Variants in DCC observed in about 807,000 individuals in gnomAD.
DCC encodes DCC netrin 1 receptor.
DCC carries 58 observed loss-of-function variants against 172.5 expected under a neutral mutation model. That is an observed-to-expected ratio of 0.34 (90% CI 0.27 to 0.42). DCC has a LOEUF of 0.42. Ranked by LOEUF, DCC falls within the 10% of genes least tolerant of loss-of-function variation. DCC has a pLI of 1.00. For missense variants in DCC, 1,740 were observed against 1,791.0 expected (o/e 0.97, Z 0.51); for synonymous variants, 709 against 644.5 (o/e 1.10, Z -1.52).
chr18:53,181,690 G>T (rs9948554), intron 9 of DCC, among the ~76,000 whole-genome samples: 8,094 of 152,130 alleles, frequency 0.053, 301 homozygotes, highest in East Asian at 0.11. Flanking sequence ...CACTGTTCCA[G>T]GCTGCATGAG....
intron 9 of DCC, among the ~76,000 whole-genome samples, chr18:53,193,962 A>G (rs1376083831): frequency 6.6e-6 from 1 of 152,204 alleles, no homozygotes; most frequent in Non-Finnish European, 1.5e-5. Context: ...TATAAAAGCA[A>G]TCTATACCTG....
At chr18:53,370,146 C>T (rs1481265363) in intron 15 of DCC, among the ~76,000 whole-genome samples, 2 of 151,628 alleles carry the variant, frequency 1.3e-5, no homozygotes, top group Non-Finnish European at 1.5e-5. Flanking sequence ...AGTTGCAGTT[C>T]TATTCAGATT....
intron 7 of DCC, among the ~76,000 whole-genome samples, chr18:53,077,842 A>G (rs1283035410): frequency 2.6e-5 from 4 of 152,156 alleles, no homozygotes; most frequent in Non-Finnish European, 5.9e-5. Flanking sequence ...CTAGTTTTAG[A>G]ATTACTAATA....
intron 1 of DCC, among the ~76,000 whole-genome samples, chr18:52,713,373 T>C (rs1568058266): frequency 6.6e-6 from 1 of 152,142 alleles, no homozygotes; most frequent in Non-Finnish European, 1.5e-5. Context: ...TGTTCAAAAC[T>C]GAACTTTAAT....
intron 5 of DCC, among the ~76,000 whole-genome samples, chr18:52,999,798 A>G (rs1172430293): frequency 1.3e-5 from 2 of 152,104 alleles, no homozygotes; most frequent in Non-Finnish European, 2.9e-5. Flanking sequence ...GTGTTATCTG[A>G]AAAGATATGT....
chr18:53,530,936 T>G lies in DCC; in HGVS notation c.*283T>G. 1.9e-6 allele frequency: 1 copy of G among 516,028 alleles called. No homozygotes were observed. The highest frequency in any genetic ancestry group is 2.0e-5 in the South Asian group (1 of 49,340). The allele number at this position is 516,028 out of a possible 1,614,324, so 32.0% of individuals were successfully genotyped here. A position where few individuals can be genotyped will look rare whatever the true frequency, so the allele number is the denominator to read the frequency against. ...AAGCTGCTAGAATAGTCATGGGCCTTTGTCACTGCAGTGACCACACTGTCA... is the reference window on the plus strand; with the variant it reads ...AAGCTGCTAGAATAGTCATGGGCCTGTGTCACTGCAGTGACCACACTGTCA... On this transcript the variant is annotated 3_prime_UTR_variant, in exon 29 of 29. Transcript: ENST00000442544.
intron 21 of DCC, among the ~76,000 whole-genome samples, chr18:53,431,645 C>T (rs1416627625): frequency 1.3e-5 from 2 of 151,946 alleles, no homozygotes; most frequent in Non-Finnish European, 2.9e-5. Flanking sequence ...CCACCGTGCT[C>T]TGCTAATTTT....
At position 53,120,566 on chromosome 18, in the gene DCC, C is replaced by CA. The variant is rs61179250; in HGVS notation, c.1262-36783dup. Among the ~76,000 whole-genome samples the CA allele has an allele frequency of 8.4e-3, 1,270 of 151,432 alleles. 20 individuals are homozygous for CA. The highest frequency in any genetic ancestry group is 0.029 in the African/African-American group (1,214 of 41,374). On this transcript the variant is annotated intron_variant, in intron 7 of 28. Transcript: ENST00000442544. ...TGCTGAACAAAACTGTTTGAATTTA[C>CA]AAAAAAATCAGAGGAAAAATTGCTC...
intron 1 of DCC, among the ~76,000 whole-genome samples, chr18:52,510,147 A>G: frequency 6.6e-6 from 1 of 150,786 alleles, no homozygotes; most frequent in East Asian, 1.9e-4. Flanking sequence ...TCTAGTTAGC[A>G]TGACTGGGCT....
intron 27 of DCC, among the ~76,000 whole-genome samples, chr18:53,513,238 A>ATACTT (rs1477626502): frequency 2.0e-5 from 3 of 152,336 alleles, no homozygotes; most frequent in Non-Finnish European, 4.4e-5. Context: ...GAGAAATAAA[A>ATACTT]TACTTTACAG....
At chr18:52,629,055 A>T (rs1156976878) in intron 1 of DCC, among the ~76,000 whole-genome samples, 3 of 152,190 alleles carry the variant, frequency 2.0e-5, no homozygotes, top group East Asian at 3.9e-4. Context: ...TTACTATGAG[A>T]CAGAGGAGAT....
intron 1 of DCC, among the ~76,000 whole-genome samples, chr18:52,484,605 T>A (rs1016024059): frequency 1.3e-5 from 2 of 152,040 alleles, no homozygotes; most frequent in Admixed American, 6.6e-5. Context: ...GTTTTCCTCA[T>A]CTGTAAGATA....
chr18:53,226,932 G>GTATA (rs1452126370), intron 12 of DCC, among the ~76,000 whole-genome samples: 83 of 59,168 alleles, frequency 1.4e-3, no homozygotes, highest in African/African-American at 4.1e-3. Flanking sequence ...GTGTGTGTGT[G>GTATA]TGTATATATA....
At chr18:53,365,645 C>T (rs1405510361) in intron 15 of DCC, among the ~76,000 whole-genome samples, 1 of 152,104 alleles carries the variant, frequency 6.6e-6, no homozygotes, top group East Asian at 1.9e-4. Flanking sequence ...ACTGTTAAAA[C>T]ATCCATTAAT....
chr18:53,332,781 C>T (rs973304023), intron 14 of DCC, among the ~76,000 whole-genome samples: 81 of 123,852 alleles, frequency 6.5e-4, no homozygotes, highest in Middle Eastern at 4.0e-3. Context: ...CAAAATTTTA[C>T]CCATTTATCA....
chr18:52,935,378 T>C (rs1355448404), intron 5 of DCC, among the ~76,000 whole-genome samples: 1 of 151,682 alleles, frequency 6.6e-6, no homozygotes, highest in Non-Finnish European at 1.5e-5. Flanking sequence ...ATCAATTTAA[T>C]AGTAAATATA....
intron 12 of DCC, among the ~76,000 whole-genome samples, chr18:53,279,754 A>T (rs1489574472): frequency 6.6e-6 from 1 of 152,144 alleles, no homozygotes; most frequent in Non-Finnish European, 1.5e-5. Context: ...CTACACAATC[A>T]TAAAAAAGAA....
intron 7 of DCC, among the ~76,000 whole-genome samples, chr18:53,067,192 T>C (rs1352937471): frequency 6.6e-6 from 1 of 152,118 alleles, no homozygotes; most frequent in Non-Finnish European, 1.5e-5. Flanking sequence ...TGTTTTATAG[T>C]CTTTTGGAAG....
At chr18:53,096,622 T>C (rs62099183) in intron 7 of DCC, among the ~76,000 whole-genome samples, 64,018 of 151,776 alleles carry the variant, frequency 0.42, 14,379 homozygotes, top group Non-Finnish European at 0.48. Flanking sequence ...AAAATAAATA[T>C]AATGGAGGGG....
Sources: gnomAD v4.1 joint callset for allele counts (sites outside exome capture counted in the v4.1 genomes callset) on GRCh38, gnomAD v4.1.1 for gene constraint, MANE v1.5 for transcripts, NCBI Gene and HGNC (gene_info 2026-07-23, HGNC 2026-07-21) for gene names.